SH3GLB2: variants seen among roughly 807,000 people sequenced by gnomAD.
SH3GLB2 encodes SH3 domain containing GRB2 like, endophilin B2.
In SH3GLB2, 24 loss-of-function variants were observed where a neutral mutation model predicts 48.0. That is an observed-to-expected ratio of 0.50 (90% CI 0.36 to 0.70). The LOEUF (loss-of-function observed/expected upper bound fraction) is 0.70. Ranked by LOEUF, SH3GLB2 falls within the 30% of genes least tolerant of loss-of-function variation. The pLI, the probability that SH3GLB2 is intolerant of heterozygous loss-of-function variation, is 0.00. For missense variants in SH3GLB2, 425 were observed against 516.0 expected (o/e 0.82, Z 1.71); for synonymous variants, 227 against 207.6 (o/e 1.09, Z -0.80).
At chr9:129,013,122 G>C in intron 5 of SH3GLB2, 1 of 1,369,156 alleles carries the variant, frequency 7.3e-7, no homozygotes, top group Non-Finnish European at 1.0e-6. Flanking sequence ...AGTGGGAGGG[G>C]ACACCAGGCG....
At chr9:129,009,546 C>T in intron 9 of SH3GLB2, 200 bp from the exon 10 acceptor site, 1 of 1,547,404 alleles carries the variant, frequency 6.5e-7, no homozygotes, top group East Asian at 2.4e-5. Flanking sequence ...CCTCCCCACC[C>T]AGGCATTCCC....
At chr9:129,022,576 A>T (rs1312465754) in intron 1 of SH3GLB2, among the ~76,000 whole-genome samples, 153 bp from the exon 2 acceptor site, 1 of 152,108 alleles carries the variant, frequency 6.6e-6, no homozygotes, top group Admixed American at 6.6e-5. Flanking sequence ...ATACTGTGTG[A>T]CCTGGCAGGG....
intron 5 of SH3GLB2, chr9:129,013,073 G>A (rs1843217634): frequency 6.5e-7 from 1 of 1,549,498 alleles, no homozygotes; most frequent in Non-Finnish European, 8.7e-7. Flanking sequence ...AAGAGTTAGT[G>A]AGTCCACAGC....
intron 1 of SH3GLB2, among the ~76,000 whole-genome samples, chr9:129,027,659 T>C (rs1172828112): frequency 6.6e-6 from 1 of 152,212 alleles, no homozygotes; most frequent in African/African-American, 2.4e-5. Context: ...AGCCGCCCAT[T>C]GCACAGGTGC....
intron 6 of SH3GLB2, 100 bp from the exon 7 acceptor site, chr9:129,010,793 G>GCCCCCCTGCCCCTCTGC: frequency 7.1e-7 from 1 of 1,414,810 alleles, no homozygotes; most frequent in Non-Finnish European, 9.8e-7. Context: ...CTCAACTTCT[G>GCCCCCCTGCCCCTCTGC]CCCCCCTGCC....
intron 1 of SH3GLB2, among the ~76,000 whole-genome samples, chr9:129,027,657 A>G (rs17433108): frequency 0.028 from 4,240 of 152,280 alleles, 90 homozygotes; most frequent in South Asian, 0.045. Flanking sequence ...CCAGCCGCCC[A>G]TTGCACAGGT....
intron 1 of SH3GLB2, among the ~76,000 whole-genome samples, chr9:129,023,629 G>T (rs1843953142): frequency 6.6e-6 from 1 of 152,162 alleles, no homozygotes; most frequent in Admixed American, 6.5e-5. Context: ...GGCCACGCAG[G>T]AGTCGGTCAG....
In SH3GLB2 at chr9:129,017,589, C is replaced by A. The variant is rs1843506668; in HGVS notation, c.335-2685G>T. 3.3e-5 allele frequency among the ~76,000 whole-genome samples: 5 copies of A among 151,780 alleles called. No homozygotes were observed. The South Asian group carries it at 1.0e-3, about 32-fold the overall frequency. On this transcript the variant is annotated intron_variant, in intron 3 of 10. Transcript: ENST00000372564. ...GACCAGCCTGGCCAACATGGTGAGA[C>A]CCCCATCTCTATTAAAAATACAAAA...
At chr9:129,025,317 C>G (rs1212331957) in intron 1 of SH3GLB2, among the ~76,000 whole-genome samples, 1 of 150,592 alleles carries the variant, frequency 6.6e-6, no homozygotes, top group Non-Finnish European at 1.5e-5. Context: ...AATATCAGCA[C>G]TTTGGGAGGC....
intron 5 of SH3GLB2, chr9:129,012,754 C>T (rs1169194963): frequency 1.8e-6 from 1 of 567,360 alleles, no homozygotes; most frequent in Non-Finnish European, 3.1e-6. Flanking sequence ...AGGCCCCTCC[C>T]GACAATGAAG....
Position 129,014,845 on chromosome 9 carries a change from A to C in SH3GLB2, c.394T>G (p.Phe132Val), listed in dbSNP as rs762684758. The change falls in exon 4 of 11, where the codon TTT becomes GTT. Residue 132 changes from phenylalanine (F) to valine (V), a missense_variant. Phe to Val is a conservative substitution (Grantham distance 50). Transcript: ENST00000372564. The surrounding 1 kb of genome is among the most constrained non-coding windows in gnomAD (Gnocchi z 4.1). ...EKQLGAAERD[F>V]IHTASISFLT... is the part of the protein sequence containing the mutation. ...AAGCTGATGGAGGCCGTGTGGATAA[A>C]ATCCCTCTCCGCGGCTCCCAGTTGC... 2.5e-6 allele frequency: 4 copies of C among 1,613,728 alleles called. No individual in the cohort carries two copies. Among genetic ancestry groups the C allele is most frequent in the Non-Finnish European group, 3.4e-6 (4 of 1,179,948 alleles).
In SH3GLB2 at chr9:129,012,801, GC is replaced by G; in HGVS notation, c.562-504del. 3 of 600,312 alleles carry G rather than the reference GC, an allele frequency of 5.0e-6. No individual in the cohort carries two copies. In the South Asian group the frequency reaches 6.3e-5, roughly 13 times the overall value. The allele number at this position is 600,312 out of a possible 1,614,324, so 37.2% of individuals were successfully genotyped here. On this transcript the variant is annotated intron_variant, in intron 5 of 10. Transcript: ENST00000372564. ...GATGCATGGGCAGACAGAGTGACAG[GC>G]GTCCAACATTTGCAAAAAGCTGACT...
Position 129,014,436 on chromosome 9 carries a change from G to C in SH3GLB2, c.536C>G (p.Ala179Gly), listed in dbSNP as rs758677191. 6.5e-7 allele frequency: 1 copy of C among 1,550,256 alleles called. No individual in the cohort carries two copies. The highest frequency in any genetic ancestry group is 2.0e-5 in the Admixed American group (1 of 51,028). ...CGTGGCTTTGGCTTCTGCAGCCTTG[G>C]CCTTCTTCAGCCTCGCTTTGCAGGC... ...LDACKARLKKAKAAEAKATTV... is the reference protein window; with the variant it reads ...LDACKARLKKGKAAEAKATTV... The change falls in exon 5 of 11, where the codon GCC (alanine) becomes GGC (glycine). Residue 179 changes from alanine to glycine, a missense_variant. By Grantham distance (60) the Ala-to-Gly change is moderately conservative. Coordinates refer to ENST00000372564, the MANE Select transcript of SH3GLB2 (RefSeq NM_020145.4). The surrounding 1 kb of genome is among the most constrained non-coding windows in gnomAD (Gnocchi z 4.1).
Position 129,021,215 on chromosome 9 carries a change from G to A in SH3GLB2, c.210C>T (p.Ala70=). 2 of 1,604,656 alleles carry A rather than the reference G, an allele frequency of 1.2e-6. No individual in the cohort carries two copies. The highest frequency in any genetic ancestry group is 1.7e-6 in the Non-Finnish European group (2 of 1,176,604). ...TEVLLQPNPS[A]RVEEFLYEKL... ...TCTCATACAGGAACTCCTCCACTCG[G>A]GCACCTGTGGGGAGACAGCAGCCAA... Residue 70 remains alanine, a synonymous_variant, in exon 3 of 11, where the codon GCC becomes GCT. Transcript: ENST00000372564.
chr9:129,020,586 G>A (rs1054911630), intron 3 of SH3GLB2, among the ~76,000 whole-genome samples: 2 of 150,878 alleles, frequency 1.3e-5, no homozygotes, highest in Non-Finnish European at 3.0e-5. Flanking sequence ...AAAAAAAATA[G>A]GCCGGGCGCG....
intron 1 of SH3GLB2, among the ~76,000 whole-genome samples, chr9:129,027,582 A>C (rs1844233248): frequency 6.6e-6 from 1 of 152,198 alleles, no homozygotes; most frequent in Admixed American, 6.5e-5. Context: ...AGCAGAAAAG[A>C]AACAACTCCT....
intron 3 of SH3GLB2, among the ~76,000 whole-genome samples, chr9:129,015,443 A>T (rs1430855717): frequency 1.3e-5 from 2 of 152,240 alleles, no homozygotes; most frequent in Admixed American, 1.3e-4. Context: ...TTTAATCAAG[A>T]AAAACTACTG....
intron 3 of SH3GLB2, among the ~76,000 whole-genome samples, chr9:129,020,024 T>G (rs1430514825): frequency 6.7e-6 from 1 of 150,250 alleles, no homozygotes; most frequent in East Asian, 2.0e-4. Context: ...GCCAACATGG[T>G]AAAACACCGT....
intron 5 of SH3GLB2, 34 bp from the exon 6 acceptor site, chr9:129,012,332 T>C: frequency 4.8e-6 from 6 of 1,254,598 alleles, no homozygotes; most frequent in Non-Finnish European, 6.1e-6. Flanking sequence ...GGGGAGGGGG[T>C]CACCCTGGGC....
Sources: gnomAD v4.1 joint callset for allele counts (sites outside exome capture counted in the v4.1 genomes callset) on GRCh38, gnomAD v4.1.1 for gene constraint, Gnocchi (gnomAD v3.1) non-coding constraint, MANE v1.5 for transcripts, NCBI Gene and HGNC (gene_info 2026-07-23, HGNC 2026-07-21) for gene names.